RARB: variants seen among roughly 807,000 people sequenced by gnomAD.
The protein encoded by RARB is HBV-activated protein.
A neutral mutation model predicts 51.9 loss-of-function variants in RARB; 17 were observed. The observed-to-expected ratio is 0.33, with a 90% confidence interval of 0.22 to 0.49. The LOEUF is 0.49. Ranked by LOEUF, RARB falls within the 20% of genes least tolerant of loss-of-function variation. The pLI is 0.99. For missense variants in RARB, 369 were observed against 550.8 expected (o/e 0.67, Z 3.30); for synonymous variants, 215 against 195.4 (o/e 1.10, Z -0.84).
chr3:25,245,167 C>T (rs1702527570), intron 5 of RARB, among the ~76,000 whole-genome samples: 1 of 152,100 alleles, frequency 6.6e-6, no homozygotes, highest in Admixed American at 6.5e-5. Flanking sequence ...GTAAATCTTC[C>T]TCCATCCCTT....
intron 1 of RARB, among the ~76,000 whole-genome samples, chr3:24,849,346 C>T (rs9833582): frequency 1.2e-3 from 178 of 152,288 alleles, no homozygotes; most frequent in African/African-American, 4.1e-3. Context: ...CGCGTGTGTT[C>T]ATGGACAAAG....
chr3:25,260,428 T>C (rs772980773), intron 5 of RARB, among the ~76,000 whole-genome samples: 27 of 152,162 alleles, frequency 1.8e-4, no homozygotes, highest in Non-Finnish European at 3.4e-4. Context: ...TTAGTTGGGA[T>C]TTGTTCATAC....
intron 4 of RARB, among the ~76,000 whole-genome samples, chr3:25,148,512 G>A (rs1202494257): frequency 6.6e-6 from 1 of 152,104 alleles, no homozygotes; most frequent in East Asian, 1.9e-4. Flanking sequence ...CTTTGAGTTT[G>A]ATTTACAGGG....
chr3:25,006,403 G>A (rs1043140656), intron 2 of RARB, among the ~76,000 whole-genome samples: 1 of 152,148 alleles, frequency 6.6e-6, no homozygotes, highest in African/African-American at 2.4e-5. Context: ...ATATGTAGTG[G>A]ATACAGTTGT....
intron 2 of RARB, among the ~76,000 whole-genome samples, chr3:25,023,179 T>G (rs945638417): frequency 1.3e-5 from 2 of 152,282 alleles, no homozygotes; most frequent in Admixed American, 1.3e-4. Flanking sequence ...GTAGGCCTAA[T>G]TTAAGAGCCT....
intron 3 of RARB, among the ~76,000 whole-genome samples, chr3:25,510,800 A>G (rs1697854489): frequency 6.6e-6 from 1 of 152,120 alleles, no homozygotes; most frequent in Non-Finnish European, 1.5e-5. Flanking sequence ...TCCAATATTT[A>G]TTGTCTTTTT....
chr3:25,123,515 C>G (rs917492820), intron 3 of RARB, among the ~76,000 whole-genome samples: 2 of 152,198 alleles, frequency 1.3e-5, no homozygotes, highest in African/African-American at 4.8e-5. Flanking sequence ...GTGGCTATAT[C>G]AAAGCCACTT....
intron 2 of RARB, among the ~76,000 whole-genome samples, chr3:24,949,607 C>G (rs970223379): frequency 2.6e-5 from 4 of 152,132 alleles, no homozygotes. Flanking sequence ...TTTCTTGAAT[C>G]CTTTGATTGT....
chr3:25,171,448 T>TC (rs1700643188), intron 4 of RARB, among the ~76,000 whole-genome samples: 1 of 132,144 alleles, frequency 7.6e-6, no homozygotes, highest in Admixed American at 7.5e-5. Flanking sequence ...TGATTTTTTT[T>TC]TTTTTTTTTT....
At chr3:25,159,417 C>CG (rs1040131287) in intron 4 of RARB, among the ~76,000 whole-genome samples, 7 of 151,056 alleles carry the variant, frequency 4.6e-5, no homozygotes, top group East Asian at 2.0e-4. Flanking sequence ...GATCCACCCC[C>CG]CCCGCTCCCC....
chr3:25,216,208 A>G (rs1701828572), intron 5 of RARB, among the ~76,000 whole-genome samples: 1 of 152,164 alleles, frequency 6.6e-6, no homozygotes, highest in Admixed American at 6.5e-5. Flanking sequence ...GCTGCCTCCT[A>G]AACACAATCC....
intron 5 of RARB, among the ~76,000 whole-genome samples, chr3:25,310,903 G>A (rs1250817277): frequency 6.6e-6 from 1 of 152,116 alleles, no homozygotes; most frequent in African/African-American, 2.4e-5. Context: ...AAATAAATTT[G>A]TTACTCGGTT....
intron 5 of RARB, among the ~76,000 whole-genome samples, chr3:25,363,205 A>G (rs1706007102): frequency 6.6e-6 from 1 of 152,178 alleles, no homozygotes; most frequent in Non-Finnish European, 1.5e-5. Flanking sequence ...AAAAATTTTC[A>G]CTAGGGAGGT....
At chr3:25,004,323 T>G (rs79190784) in intron 2 of RARB, among the ~76,000 whole-genome samples, 2,078 of 152,188 alleles carry the variant, frequency 0.014, 49 homozygotes, top group East Asian at 0.12. Context: ...CGTTTTAGTT[T>G]GTTTTGTAGT....
intron 5 of RARB, among the ~76,000 whole-genome samples, chr3:25,291,896 T>A (rs934302101): frequency 6.6e-6 from 1 of 152,156 alleles, no homozygotes; most frequent in Non-Finnish European, 1.5e-5. Context: ...CATCCTTTTG[T>A]TCTGAACTTG....
intron 7 of RARB, among the ~76,000 whole-genome samples, chr3:25,595,598 G>C (rs1701788951): frequency 6.6e-6 from 1 of 152,188 alleles, no homozygotes; most frequent in Non-Finnish European, 1.5e-5. Context: ...GACTAGACTA[G>C]TGATATCTAA....
At chr3:25,241,345 G>A (rs1309774853) in intron 5 of RARB, among the ~76,000 whole-genome samples, 2 of 151,984 alleles carry the variant, frequency 1.3e-5, no homozygotes, top group African/African-American at 4.8e-5. Context: ...TTAAGTTCTG[G>A]GATACATGTG....
At chr3:25,438,116 TG>T (rs1234855419) in intron 1 of RARB, among the ~76,000 whole-genome samples, 3 of 152,096 alleles carry the variant, frequency 2.0e-5, no homozygotes, top group African/African-American at 7.2e-5. Context: ...TGGCTGGTGG[TG>T]GATGTTGGTT....
chr3:24,840,588 T>C (rs1257953653), intron 1 of RARB, among the ~76,000 whole-genome samples: 1 of 152,172 alleles, frequency 6.6e-6, no homozygotes, highest in Non-Finnish European at 1.5e-5. Flanking sequence ...ATTTCTTTTG[T>C]ATGACATATA....
Sources: allele counts gnomAD v4.1 joint callset (sites outside exome capture counted in the v4.1 genomes callset), GRCh38; gene constraint gnomAD v4.1.1; transcripts MANE v1.5; gene names NCBI Gene and HGNC (gene_info 2026-07-23, HGNC 2026-07-21).